RBFOX1: variants seen among roughly 807,000 people sequenced by gnomAD.
RBFOX1 encodes the protein RNA binding protein fox-1 homolog 1.
A neutral mutation model predicts 57.7 loss-of-function variants in RBFOX1; 8 were observed. That is an observed-to-expected ratio of 0.14 (90% CI 0.08 to 0.25). The LOEUF (loss-of-function observed/expected upper bound fraction) is 0.25. Among genes scored for constraint, RBFOX1 ranks in the 10% least tolerant of loss-of-function variants. The pLI is 1.00. For missense variants in RBFOX1, 611 were observed against 548.5 expected (o/e 1.11, Z -1.14); for synonymous variants, 326 against 222.4 (o/e 1.47, Z -4.15).
At chr16:5,749,097 C>T (rs1316781299) in intron 3 of RBFOX1, among the ~76,000 whole-genome samples, 2 of 152,130 alleles carry the variant, frequency 1.3e-5, no homozygotes, top group African/African-American at 2.4e-5. Context: ...ATTTGCTTGT[C>T]TGTAAAGGAT....
chr16:5,421,175 T>G (rs901782843), intron 1 of RBFOX1, among the ~76,000 whole-genome samples: 44 of 151,560 alleles, frequency 2.9e-4, no homozygotes, highest in Non-Finnish European at 5.3e-4. Context: ...CCTGGCTAAT[T>G]TTTGTAGTTT....
chr16:5,699,510 A>T (rs1169647963), intron 3 of RBFOX1, among the ~76,000 whole-genome samples: 2 of 151,476 alleles, frequency 1.3e-5, no homozygotes, highest in African/African-American at 4.9e-5. Context: ...CCCCAAGAGG[A>T]TGTTTTAGAT....
intron 1 of RBFOX1, among the ~76,000 whole-genome samples, chr16:5,248,022 A>C (rs1247774641): frequency 6.6e-6 from 1 of 152,184 alleles, no homozygotes; most frequent in African/African-American, 2.4e-5. Flanking sequence ...AGGAAATGGC[A>C]ACTTGTTGCC....
intron 5 of RBFOX1, among the ~76,000 whole-genome samples, chr16:7,562,467 C>T (rs1601865443): frequency 6.6e-6 from 1 of 152,086 alleles, no homozygotes; most frequent in Non-Finnish European, 1.5e-5. Context: ...CCATTGGCAA[C>T]AGCCTTGAAG....
intron 4 of RBFOX1, among the ~76,000 whole-genome samples, chr16:7,148,992 T>C (rs1429121878): frequency 6.6e-6 from 1 of 152,236 alleles, no homozygotes; most frequent in Admixed American, 6.5e-5. Flanking sequence ...AGTATTTTGC[T>C]TCTTTCCTGG....
intron 4 of RBFOX1, among the ~76,000 whole-genome samples, chr16:7,176,943 T>C (rs762780795): frequency 5.3e-5 from 8 of 152,212 alleles, no homozygotes; most frequent in Admixed American, 2.0e-4. Context: ...TAGAATTTTA[T>C]AGTATCGCTT....
chr16:6,838,221 C>A (rs530834712), intron 3 of RBFOX1, among the ~76,000 whole-genome samples: 1 of 151,978 alleles, frequency 6.6e-6, no homozygotes, highest in East Asian at 1.9e-4. Flanking sequence ...TTGTTCCCTT[C>A]CCTGTGTCCA....
chr16:6,608,301 C>G (rs2097977180), intron 2 of RBFOX1, among the ~76,000 whole-genome samples: 1 of 152,112 alleles, frequency 6.6e-6, no homozygotes, highest in Non-Finnish European at 1.5e-5. Flanking sequence ...CATATAGTAT[C>G]CTGTGGGGAA....
intron 3 of RBFOX1, among the ~76,000 whole-genome samples, chr16:6,874,195 A>T (rs2061427193): frequency 6.6e-6 from 1 of 152,062 alleles, no homozygotes; most frequent in African/African-American, 2.4e-5. Flanking sequence ...ACACACAAAC[A>T]CATGCTACTC....
chr16:6,918,469 C>G (rs980519317), intron 3 of RBFOX1, among the ~76,000 whole-genome samples: 16 of 152,088 alleles, frequency 1.1e-4, no homozygotes, highest in Non-Finnish European at 1.8e-4. Flanking sequence ...CATCTTAAAT[C>G]CAATCAAATT....
At chr16:6,095,247 G>T (rs2096230678) in intron 1 of RBFOX1, among the ~76,000 whole-genome samples, 1 of 152,204 alleles carries the variant, frequency 6.6e-6, no homozygotes, top group African/African-American at 2.4e-5. Flanking sequence ...AACATTTAAA[G>T]TAACTTTGAG....
chr16:6,972,814 A>AT (rs1209567279), intron 3 of RBFOX1, among the ~76,000 whole-genome samples: 6 of 151,908 alleles, frequency 3.9e-5, no homozygotes, highest in African/African-American at 4.8e-5. Flanking sequence ...TCAAATTCAT[A>AT]TTTTTTTCAA....
chr16:6,564,053 C>T (rs941778431), intron 2 of RBFOX1, among the ~76,000 whole-genome samples: 5 of 152,086 alleles, frequency 3.3e-5, no homozygotes, highest in African/African-American at 4.8e-5. Flanking sequence ...TCTAGCCACC[C>T]TTCACCTCCA....
chr16:5,831,977 G>T (rs2056290494), intron 3 of RBFOX1, among the ~76,000 whole-genome samples: 1 of 152,176 alleles, frequency 6.6e-6, no homozygotes, highest in Non-Finnish European at 1.5e-5. Context: ...GTTGAAAAAT[G>T]GGGCAGATGT....
chr16:7,410,147 C>G (rs920095735), intron 4 of RBFOX1, among the ~76,000 whole-genome samples: 3 of 152,020 alleles, frequency 2.0e-5, no homozygotes, highest in East Asian at 1.9e-4. Context: ...ATAAATGTCA[C>G]TTTCCTACAG....
chr16:5,493,220 T>A (rs1368610311), intron 2 of RBFOX1, among the ~76,000 whole-genome samples: 2 of 152,218 alleles, frequency 1.3e-5, no homozygotes, highest in Non-Finnish European at 2.9e-5. Flanking sequence ...TTTATTTGCT[T>A]ATTTTCATTT....
chr16:6,867,202 A>C (rs2060090962), intron 3 of RBFOX1, among the ~76,000 whole-genome samples: 1 of 152,116 alleles, frequency 6.6e-6, no homozygotes, highest in East Asian at 1.9e-4. Flanking sequence ...AAAAGCATGA[A>C]GCTATATAAG....
intron 3 of RBFOX1, among the ~76,000 whole-genome samples, chr16:6,809,669 C>T (rs1367518912): frequency 1.3e-5 from 2 of 152,158 alleles, no homozygotes; most frequent in African/African-American, 4.8e-5. Flanking sequence ...CTGAGAAGTT[C>T]AGGTGAGATA....
chr16:7,238,270 A>G (rs2093875530), intron 4 of RBFOX1, among the ~76,000 whole-genome samples: 1 of 152,172 alleles, frequency 6.6e-6, no homozygotes, highest in Non-Finnish European at 1.5e-5. Flanking sequence ...AATGTTGGGA[A>G]TGGCTGTGCA....
Sources: gnomAD v4.1 joint callset for allele counts (sites outside exome capture counted in the v4.1 genomes callset) on GRCh38, gnomAD v4.1.1 for gene constraint, MANE v1.5 for transcripts, NCBI Gene and HGNC (gene_info 2026-07-23, HGNC 2026-07-21) for gene names.